GPC6: variants seen among roughly 807,000 people sequenced by gnomAD.
The protein encoded by GPC6 is glypican-6.
A neutral mutation model predicts 55.2 loss-of-function variants in GPC6; 14 were observed. The observed-to-expected ratio is 0.25, with a 90% CI of 0.17 to 0.40. The LOEUF (loss-of-function observed/expected upper bound fraction) is 0.40. Ranked by LOEUF, GPC6 falls within the 10% of genes least tolerant of loss-of-function variation. The pLI is 1.00. For synonymous variants in GPC6, 278 were observed against 259.6 expected (o/e 1.07, Z -0.68); for missense variants, 641 against 708.5 (o/e 0.90, Z 1.08).
At chr13:93,802,339 C>G (rs1037727819) in intron 2 of GPC6, among the ~76,000 whole-genome samples, 4 of 152,022 alleles carry the variant, frequency 2.6e-5, no homozygotes, top group African/African-American at 4.8e-5. Flanking sequence ...ATCACTCAGA[C>G]ACTTCCCCTT....
intron 1 of GPC6, among the ~76,000 whole-genome samples, chr13:93,342,468 C>T (rs1012486171): frequency 1.3e-5 from 2 of 152,116 alleles, no homozygotes; most frequent in African/African-American, 4.8e-5. Flanking sequence ...TCTCATAAGA[C>T]TTACTCACTA....
chr13:94,066,573 T>A (rs1360048), intron 4 of GPC6, among the ~76,000 whole-genome samples: 117,894 of 152,098 alleles, frequency 0.78, 46,324 homozygotes, highest in Middle Eastern at 0.9. Flanking sequence ...TTTTAAGTGT[T>A]ACTCAATCTA....
At chr13:94,119,019 TGTGTG>T in intron 4 of GPC6, among the ~76,000 whole-genome samples, 2 of 126,272 alleles carry the variant, frequency 1.6e-5, no homozygotes, top group African/African-American at 5.4e-5. Flanking sequence ...TGTGTGTGTG[TGTGTG>T]TACACTTGCA....
intron 4 of GPC6, among the ~76,000 whole-genome samples, chr13:94,077,216 CTGAG>C (rs1366815525): frequency 2.0e-5 from 3 of 151,506 alleles, no homozygotes; most frequent in Admixed American, 6.6e-5. Context: ...TGATTTATTC[CTGAG>C]TATTTTATTT....
intron 3 of GPC6, among the ~76,000 whole-genome samples, chr13:93,844,379 C>T (rs746907715): frequency 1.4e-4 from 22 of 152,202 alleles, no homozygotes; most frequent in Admixed American, 2.6e-4. Context: ...CCTCATGGTC[C>T]GCCCACCTCA....
intron 2 of GPC6, among the ~76,000 whole-genome samples, chr13:93,775,002 T>A (rs375179691): frequency 1.9e-4 from 29 of 152,168 alleles, no homozygotes; most frequent in African/African-American, 6.5e-4. Flanking sequence ...AGCCAGAGCA[T>A]TCCAAGAGAA....
At chr13:93,519,390 C>T (rs551782786) in intron 1 of GPC6, among the ~76,000 whole-genome samples, 1 of 152,084 alleles carries the variant, frequency 6.6e-6, no homozygotes, top group African/African-American at 2.4e-5. Flanking sequence ...GGGCAATTTC[C>T]ACACATTAGC....
Position 94,188,798 on chromosome 13 carries a change from T to G in GPC6, c.878-97551T>G, listed in dbSNP as rs149024207. On this transcript the variant is annotated intron_variant, in intron 4 of 8. Coordinates refer to ENST00000377047, the MANE Select transcript of GPC6 (RefSeq NM_005708.5). ...CTGGTGACCGATTTGTTATCAGAGC[T>G]CCTTCATACTAAAGAAAGAGAGACT... Among the ~76,000 whole-genome samples the G allele has an allele frequency of 2.9e-3, 438 of 152,244 alleles. 2 individuals are homozygous for G. The highest frequency in any genetic ancestry group is 9.8e-3 in the African/African-American group (408 of 41,540).
intron 6 of GPC6, among the ~76,000 whole-genome samples, chr13:94,315,912 C>T (rs1032422713): frequency 1.2e-4 from 18 of 152,114 alleles, no homozygotes; most frequent in Non-Finnish European, 1.0e-4. Flanking sequence ...TGCGGCCCAA[C>T]ACAAATTCGT....
intron 2 of GPC6, among the ~76,000 whole-genome samples, chr13:93,650,529 G>A (rs907898548): frequency 6.6e-6 from 1 of 151,804 alleles, no homozygotes; most frequent in African/African-American, 2.4e-5. Flanking sequence ...AACACACTGG[G>A]AACACAGAGA....
chr13:94,016,760 T>G (rs1882481486), intron 3 of GPC6, among the ~76,000 whole-genome samples: 1 of 152,350 alleles, frequency 6.6e-6, no homozygotes, highest in African/African-American at 2.4e-5. Context: ...CAATGTTCTG[T>G]AGTTTTCCAT....
intron 4 of GPC6, among the ~76,000 whole-genome samples, chr13:94,043,557 G>A (rs1179277170): frequency 1.3e-5 from 2 of 151,676 alleles, no homozygotes; most frequent in African/African-American, 2.4e-5. Context: ...CATTTTGTGT[G>A]TATATTTTGT....
chr13:93,465,092 G>A (rs1047707762), intron 1 of GPC6, among the ~76,000 whole-genome samples: 12 of 152,172 alleles, frequency 7.9e-5, no homozygotes, highest in African/African-American at 2.9e-4. Context: ...AAACTGTGCT[G>A]TAAAACAGAT....
chr13:93,330,229 T>C (rs1273504783), intron 1 of GPC6, among the ~76,000 whole-genome samples: 1 of 152,154 alleles, frequency 6.6e-6, no homozygotes, highest in East Asian at 1.9e-4. Flanking sequence ...ATAGTGATCA[T>C]GAAAAATGCT....
intron 2 of GPC6, among the ~76,000 whole-genome samples, chr13:93,797,936 G>T (rs1264834859): frequency 2.6e-5 from 4 of 152,124 alleles, no homozygotes; most frequent in Non-Finnish European, 4.4e-5. Flanking sequence ...TTTAACAAGG[G>T]TAATAGGCCC....
chr13:93,435,156 C>G (rs1196262311), intron 1 of GPC6, among the ~76,000 whole-genome samples: 2 of 151,976 alleles, frequency 1.3e-5, no homozygotes, highest in African/African-American at 4.8e-5. Flanking sequence ...ACTCTTTCAC[C>G]CAGGCTGGAG....
chr13:94,258,678 G>T (rs1188350866), intron 4 of GPC6, among the ~76,000 whole-genome samples: 1 of 152,200 alleles, frequency 6.6e-6, no homozygotes, highest in Non-Finnish European at 1.5e-5. Flanking sequence ...CATGGCAAAG[G>T]CTTAGAGGCA....
rs7326239 is a variant in GPC6, at chr13:94,068,567, A to G, written c.877+40673A>G. Among the ~76,000 whole-genome samples the G allele has an allele frequency of 7.1e-4, 108 of 152,318 alleles. 1 individual carries two copies. The highest frequency in any genetic ancestry group is 3.4e-3 in the Middle Eastern group (1 of 294). Reference sequence around the variant, plus strand: ...CACAGTCCAAAGTCTCTTTTGAGACAAGGCAAGTTCCTCCTGCCTGTGAGC... The same window carrying G: ...CACAGTCCAAAGTCTCTTTTGAGACGAGGCAAGTTCCTCCTGCCTGTGAGC... On this transcript the variant is annotated intron_variant, in intron 4 of 8. Coordinates refer to ENST00000377047, the MANE Select transcript of GPC6 (RefSeq NM_005708.5).
intron 1 of GPC6, among the ~76,000 whole-genome samples, chr13:93,294,497 A>G (rs1334940357): frequency 1.3e-5 from 2 of 152,138 alleles, no homozygotes; most frequent in Non-Finnish European, 1.5e-5. Context: ...TCCCTCAGGA[A>G]GTAGTTGATT....
Sources: gnomAD v4.1 joint callset for allele counts (sites outside exome capture counted in the v4.1 genomes callset) on GRCh38, gnomAD v4.1.1 for gene constraint, MANE v1.5 for transcripts, NCBI Gene and HGNC (gene_info 2026-07-23, HGNC 2026-07-21) for gene names.